The following PCDHA1 variants were observed in gnomAD, a reference collection of about 807,000 sequenced individuals.
PCDHA1 encodes the protein protocadherin alpha 1, also known as protocadherin alpha-1.
Under a neutral mutation model 61.3 loss-of-function variants are expected in PCDHA1, and 42 were observed. The ratio of observed to expected loss-of-function variants is 0.69; its 90% CI spans 0.54 to 0.89. The LOEUF is 0.89. Among genes scored for constraint, PCDHA1 ranks in the 40% least tolerant of loss-of-function variants. PCDHA1 has a pLI of 0.00. For synonymous variants in PCDHA1, 610 were observed against 553.8 expected, an observed-to-expected ratio of 1.10 and a Z score of -1.43; for missense variants, 1,256 against 1,235.3, an observed-to-expected ratio of 1.02 and a Z score of -0.25.
chr5:140,928,313 T>TG (rs1554205740), intron 1 of PCDHA1: 1 of 1,614,172 alleles, frequency 6.2e-7, no homozygotes, highest in Non-Finnish European at 8.5e-7. Flanking sequence ...GACCCCGACC[T>TG]GGGGAAGAAT....
intron 1 of PCDHA1, among the ~76,000 whole-genome samples, chr5:140,936,094 T>C (rs2090766117): frequency 6.6e-6 from 1 of 152,116 alleles, no homozygotes; most frequent in South Asian, 2.1e-4. Flanking sequence ...GGTTTCACCA[T>C]GTTGGCCAGG....
At chr5:140,822,440 CAG>C (rs2150116452) in intron 1 of PCDHA1, 1 of 1,613,752 alleles carries the variant, frequency 6.2e-7, no homozygotes, top group Non-Finnish European at 8.5e-7. Flanking sequence ...CCCGAACTAA[CAG>C]GTACAGTTCA....
chr5:140,823,438 C>T, intron 1 of PCDHA1: 2 of 1,613,332 alleles, frequency 1.2e-6, no homozygotes, highest in South Asian at 1.1e-5. Context: ...GGTGTTCGTG[C>T]TGGACGAGAA....
rs782699904 is a variant in PCDHA1 at position 140,969,414 on chromosome 5, G to A, written c.2395-9535G>A. The A allele has an allele frequency of 6.4e-6, 10 of 1,566,012 alleles. No homozygotes were observed. The Admixed American group carries it at 1.3e-4, about 21-fold the overall frequency. On this transcript the variant is annotated intron_variant, in intron 1 of 3. Coordinates refer to ENST00000504120, the MANE Select transcript of PCDHA1 (RefSeq NM_018900.4). ...ATATCCTGTGATTTGGCTTTATTGA[G>A]TCATTAACAGTGACAAGAGTTATCT...
chr5:140,848,211 A>C, intron 1 of PCDHA1: 1 of 353,668 alleles, frequency 2.8e-6, no homozygotes, highest in South Asian at 5.2e-5. Context: ...TCATTACTTA[A>C]GAAAAAATTA....
At chr5:140,970,139 A>G (rs1433151291) in intron 1 of PCDHA1, among the ~76,000 whole-genome samples, 3 of 152,124 alleles carry the variant, frequency 2.0e-5, no homozygotes, top group Non-Finnish European at 4.4e-5. Flanking sequence ...AGAAGGGAAA[A>G]AGAATTCTCC....
chr5:140,873,230 A>G (rs888976655), intron 1 of PCDHA1, among the ~76,000 whole-genome samples: 2 of 152,354 alleles, frequency 1.3e-5, no homozygotes, highest in Admixed American at 1.3e-4. Context: ...AGGCAACAAT[A>G]TAAAAATATA....
chr5:140,966,205 CT>C, intron 1 of PCDHA1: 1 of 226,680 alleles, frequency 4.4e-6, no homozygotes. Flanking sequence ...GGCTTGACTG[CT>C]TTTCCCAGAC....
intron 1 of PCDHA1, chr5:140,803,859 T>A: frequency 1.7e-6 from 1 of 578,220 alleles, no homozygotes. Context: ...AATGCCTGGG[T>A]ATAAGACAAA....
chr5:140,836,564 C>T (rs1774574091), intron 1 of PCDHA1: 5 of 1,613,738 alleles, frequency 3.1e-6, no homozygotes, highest in Non-Finnish European at 4.2e-6. Context: ...CAGCGCCGTC[C>T]TCTGAGGGCG....
At chr5:140,904,692 A>G (rs1484371560) in intron 1 of PCDHA1, among the ~76,000 whole-genome samples, 1 of 152,126 alleles carries the variant, frequency 6.6e-6, no homozygotes, top group Non-Finnish European at 1.5e-5. Context: ...GCAGTGTAAA[A>G]TTGTTCCCTT....
intron 1 of PCDHA1, chr5:140,856,832 C>A (rs2044230469): frequency 3.1e-6 from 5 of 1,590,918 alleles, no homozygotes; most frequent in Non-Finnish European, 4.3e-6. Context: ...ATTAGTAATA[C>A]GGCTCAACGC....
intron 1 of PCDHA1, among the ~76,000 whole-genome samples, chr5:140,873,901 T>A (rs2153302941): frequency 6.6e-6 from 1 of 152,352 alleles, no homozygotes; most frequent in South Asian, 2.1e-4. Context: ...CCTCAGGTGA[T>A]CTGCCTGCCT....
chr5:140,819,590 C>A (rs2150104684), intron 1 of PCDHA1, among the ~76,000 whole-genome samples: 1 of 152,176 alleles, frequency 6.6e-6, no homozygotes, highest in South Asian at 2.1e-4. Context: ...TTAAAATGTT[C>A]TTTTCCTGTG....
At chr5:140,821,759 A>T in intron 1 of PCDHA1, 1 of 1,588,004 alleles carries the variant, frequency 6.3e-7, no homozygotes, top group South Asian at 1.1e-5. Flanking sequence ...AAAGCTCATA[A>T]TTGGAACGAG....
chr5:140,901,307 T>A (rs544600785), intron 1 of PCDHA1, among the ~76,000 whole-genome samples: 1 of 152,264 alleles, frequency 6.6e-6, no homozygotes, highest in East Asian at 1.9e-4. Context: ...TTCCGGAGAG[T>A]TTCCCCAATG....
intron 1 of PCDHA1, chr5:140,808,719 A>G: frequency 6.2e-7 from 1 of 1,612,162 alleles, no homozygotes; most frequent in Non-Finnish European, 8.5e-7. Flanking sequence ...GTTTCGGTGC[A>G]TGCGGAGAGC....
chr5:140,933,388 G>A lies in PCDHA1; in HGVS notation c.2395-45561G>A, dbSNP rs142801424. On this transcript the variant is annotated intron_variant, in intron 1 of 3. Transcript: ENST00000504120. Reference sequence around the variant, plus strand: ...CCCAAATTCCTTGGCTGTTCCTAGAGCCATCTGGTTACCATCTACAGATAT... The same window carrying A: ...CCCAAATTCCTTGGCTGTTCCTAGAACCATCTGGTTACCATCTACAGATAT... Among the ~76,000 whole-genome samples the A allele has an allele frequency of 5.4e-3, 828 of 152,024 alleles. 4 individuals carry two copies. The highest frequency in any genetic ancestry group is 0.019 in the African/African-American group (797 of 41,508).
At chr5:140,927,064 C>T (rs1409465902) in intron 1 of PCDHA1, 2 of 1,611,234 alleles carry the variant, frequency 1.2e-6, no homozygotes, top group Admixed American at 1.7e-5. Flanking sequence ...CTTTCGCTTC[C>T]TTTCCAGCCA....
Sources: gnomAD v4.1 joint callset for allele counts (sites outside exome capture counted in the v4.1 genomes callset) on GRCh38, gnomAD v4.1.1 for gene constraint, MANE v1.5 for transcripts, NCBI Gene and HGNC (gene_info 2026-07-23, HGNC 2026-07-21) for gene names.